Variants in PDE4D observed in about 807,000 individuals in gnomAD.
PDE4D encodes the protein 3',5'-cyclic-AMP phosphodiesterase 4D.
A neutral mutation model predicts 87.4 loss-of-function variants in PDE4D; 24 were observed. That is an observed-to-expected ratio of 0.27 (90% CI 0.20 to 0.39). PDE4D has a LOEUF of 0.39. Among genes scored for constraint, PDE4D ranks in the 10% least tolerant of loss-of-function variants. The pLI is 1.00. For synonymous variants in PDE4D, 384 were observed against 383.2 expected (o/e 1.00, Z -0.02); for missense variants, 714 against 1,041.0 (o/e 0.69, Z 4.32).
At chr5:59,807,968 T>A (rs762463588) in intron 1 of PDE4D, among the ~76,000 whole-genome samples, 1 of 152,222 alleles carries the variant, frequency 6.6e-6, no homozygotes, top group African/African-American at 2.4e-5. Flanking sequence ...GCTCTTCAGA[T>A]GATGGATGCC....
chr5:60,281,527 T>A (rs922883665), intron 1 of PDE4D, among the ~76,000 whole-genome samples: 4 of 152,236 alleles, frequency 2.6e-5, no homozygotes, highest in Admixed American at 2.6e-4. Flanking sequence ...GGCTGAAATC[T>A]ATGAAATCTT....
At position 59,954,738 on chromosome 5, in the gene PDE4D, G is replaced by A. The variant is rs185661803; in HGVS notation, c.272+33750C>T. Among the ~76,000 whole-genome samples the A allele has an allele frequency of 2.0e-3, 299 of 152,266 alleles. 1 individual carries two copies. The highest frequency in any genetic ancestry group is 7.0e-3 in the African/African-American group (292 of 41,562). On this transcript the variant is annotated intron_variant, in intron 3 of 16. Coordinates refer to the PDE4D transcript ENST00000502484. ...TCAGAAAGATTCACAAGAATGCCAT[G>A]TATGTGCCCCAGACCTTTTTCTCCT... is the stretch of plus-strand genomic sequence containing the variant.
intron 5 of PDE4D, among the ~76,000 whole-genome samples, chr5:59,140,237 G>T (rs1413805645): frequency 6.6e-6 from 1 of 152,200 alleles, no homozygotes; most frequent in Non-Finnish European, 1.5e-5. Flanking sequence ...ACTTGCACCT[G>T]TGTAATTACT....
intron 1 of PDE4D, among the ~76,000 whole-genome samples, chr5:59,461,218 A>T (rs1582713803): frequency 6.6e-6 from 1 of 152,198 alleles, no homozygotes; most frequent in Non-Finnish European, 1.5e-5. Flanking sequence ...GTTGTAAATT[A>T]CCATTTTAGT....
intron 1 of PDE4D, among the ~76,000 whole-genome samples, chr5:59,497,836 T>A (rs1358526177): frequency 1.3e-5 from 2 of 152,016 alleles, no homozygotes; most frequent in African/African-American, 4.8e-5. Flanking sequence ...CCTGGAAGAA[T>A]ACTATATAAT....
chr5:59,224,111 C>A (rs1753158485), intron 1 of PDE4D, among the ~76,000 whole-genome samples: 1 of 138,352 alleles, frequency 7.2e-6, no homozygotes, highest in Admixed American at 7.3e-5. Context: ...CATGATGAAA[C>A]CCTGTTTCTA....
chr5:60,483,927 A>G (rs115996293), intron 1 of PDE4D, among the ~76,000 whole-genome samples: 229 of 152,340 alleles, frequency 1.5e-3, no homozygotes, highest in African/African-American at 5.3e-3. Flanking sequence ...TCATCAAACT[A>G]TAACAGCAGT....
At chr5:60,136,315 CTT>C (rs33928836) in intron 2 of PDE4D, among the ~76,000 whole-genome samples, 28 of 148,750 alleles carry the variant, frequency 1.9e-4, no homozygotes, top group South Asian at 6.4e-4. Context: ...TCTGGACTAT[CTT>C]TTTTTTTTTT....
At chr5:60,268,304 G>A (rs1750456013) in intron 1 of PDE4D, among the ~76,000 whole-genome samples, 1 of 152,168 alleles carries the variant, frequency 6.6e-6, no homozygotes, top group Admixed American at 6.5e-5. Flanking sequence ...AATGGGAGGC[G>A]CACATTTTAT....
At chr5:60,475,609 C>A (rs1352005937) in intron 1 of PDE4D, among the ~76,000 whole-genome samples, 2 of 152,098 alleles carry the variant, frequency 1.3e-5, no homozygotes, top group African/African-American at 4.8e-5. Context: ...AAGAACCATT[C>A]TTTTTCCTTT....
intron 1 of PDE4D, among the ~76,000 whole-genome samples, chr5:59,238,284 A>AT (rs1756918596): frequency 6.6e-6 from 1 of 152,162 alleles, no homozygotes; most frequent in Non-Finnish European, 1.5e-5. Flanking sequence ...ATAATGAGAT[A>AT]TTTGTCCTTT....
Position 59,643,753 on chromosome 5 carries a change from T to C in PDE4D, c.455+249415A>G, listed in dbSNP as rs539028464. Among the ~76,000 whole-genome samples, 4 of 152,320 alleles carry C rather than the reference T, an allele frequency of 2.6e-5. No individual in the cohort carries two copies. In the East Asian group the frequency reaches 7.7e-4, roughly 29 times the overall value. ...GTATGGATACCACCAAAAACACCTA[T>C]ATAATTTGCATCCAAATGTAGTAAA... On this transcript the variant is annotated intron_variant, in intron 1 of 14. Coordinates refer to ENST00000340635, the MANE Select transcript of PDE4D (RefSeq NM_001104631.2).
intron 1 of PDE4D, among the ~76,000 whole-genome samples, chr5:59,553,329 T>C (rs184902855): frequency 1.5e-3 from 235 of 152,188 alleles, no homozygotes; most frequent in South Asian, 3.1e-3. Context: ...AGGTGAGAAA[T>C]AAAGCATCCT....
chr5:59,883,646 A>G (rs1749767163), intron 1 of PDE4D, among the ~76,000 whole-genome samples: 1 of 152,194 alleles, frequency 6.6e-6, no homozygotes, highest in East Asian at 1.9e-4. Context: ...ACAGAGAAAT[A>G]TTTCTTTTAA....
chr5:59,035,131 A>T (rs1758279288), intron 6 of PDE4D, among the ~76,000 whole-genome samples: 1 of 152,234 alleles, frequency 6.6e-6, no homozygotes, highest in African/African-American at 2.4e-5. Flanking sequence ...AACCAAAAAC[A>T]TGGTGAAACT....
chr5:59,037,344 C>A lies in PDE4D; in HGVS notation c.921+1515G>T, dbSNP rs182858486. Among the ~76,000 whole-genome samples, 235 of 152,234 alleles carry A rather than the reference C, an allele frequency of 1.5e-3. 2 individuals are homozygous for A. Among genetic ancestry groups the A allele is most frequent in the Admixed American group, 2.6e-3 (39 of 15,282 alleles). On this transcript the variant is annotated intron_variant, in intron 6 of 14. Transcript: ENST00000340635. Reference sequence around the variant, plus strand: ...ATTTTCTTACACAGAATCAACCACACAATAGAATTAAGAACTCAGGCCCAT... The same window carrying A: ...ATTTTCTTACACAGAATCAACCACAAAATAGAATTAAGAACTCAGGCCCAT...
chr5:59,312,355 A>G (rs1252774089), intron 1 of PDE4D, among the ~76,000 whole-genome samples: 1 of 152,168 alleles, frequency 6.6e-6, no homozygotes, highest in African/African-American at 2.4e-5. Flanking sequence ...TGTCGAAATG[A>G]CTTACACCTG....
intron 1 of PDE4D, among the ~76,000 whole-genome samples, chr5:60,378,917 G>A (rs371197656): frequency 6.6e-6 from 1 of 152,086 alleles, no homozygotes; most frequent in Non-Finnish European, 1.5e-5. Flanking sequence ...AAGAAAGAAA[G>A]CAGTATGTTG....
intron 5 of PDE4D, among the ~76,000 whole-genome samples, chr5:59,162,483 C>G (rs1489110529): frequency 1.3e-5 from 2 of 152,042 alleles, no homozygotes; most frequent in Non-Finnish European, 2.9e-5. Flanking sequence ...TAAATAAAAA[C>G]AGACTTCACC....
Sources: gnomAD v4.1 joint callset for allele counts (sites outside exome capture counted in the v4.1 genomes callset) on GRCh38, gnomAD v4.1.1 for gene constraint, MANE v1.5 for transcripts, NCBI Gene and HGNC (gene_info 2026-07-23, HGNC 2026-07-21) for gene names.